Variants in CEMIP observed in about 807,000 individuals in gnomAD.
CEMIP encodes cell migration-inducing and hyaluronan-binding protein.
A neutral mutation model predicts 156.9 loss-of-function variants in CEMIP; 105 were observed. The ratio of observed to expected loss-of-function variants is 0.67; its 90% CI spans 0.57 to 0.79. The LOEUF (loss-of-function observed/expected upper bound fraction) is 0.79, where lower values mean the gene tolerates loss of function less well. CEMIP is among the 30% of genes least tolerant of loss of function. CEMIP has a pLI of 0.00. For missense variants in CEMIP, 1,457 were observed against 1,769.4 expected (o/e 0.82, Z 3.17); for synonymous variants, 676 against 668.4 (o/e 1.01, Z -0.17).
At chr15:80,802,952 T>G (rs1896416167) in intron 1 of CEMIP, among the ~76,000 whole-genome samples, 1 of 152,196 alleles carries the variant, frequency 6.6e-6, no homozygotes, top group Admixed American at 6.5e-5. Flanking sequence ...TATAACAAAG[T>G]TCCACAGATT....
At chr15:80,891,926 A>T (rs1431970851) in intron 10 of CEMIP, among the ~76,000 whole-genome samples, 2 of 152,268 alleles carry the variant, frequency 1.3e-5, no homozygotes, top group Admixed American at 6.5e-5. Flanking sequence ...AGGTGAGAGA[A>T]GCAGGATTTC....
intron 1 of CEMIP, among the ~76,000 whole-genome samples, chr15:80,830,967 A>G (rs1897143648): frequency 6.6e-6 from 1 of 152,202 alleles, no homozygotes; most frequent in Admixed American, 6.5e-5. Flanking sequence ...TTTTGCCTAT[A>G]TTAATCATGT....
intron 14 of CEMIP, among the ~76,000 whole-genome samples, chr15:80,913,915 C>T (rs1368644856): frequency 6.6e-6 from 1 of 152,256 alleles, no homozygotes; most frequent in African/African-American, 2.4e-5. Flanking sequence ...GATGCCTAAA[C>T]TCATTCGCAT....
intron 14 of CEMIP, among the ~76,000 whole-genome samples, chr15:80,912,459 G>C (rs571693252): frequency 6.6e-6 from 1 of 152,346 alleles, no homozygotes; most frequent in South Asian, 2.1e-4. Context: ...GCCTGGTCTT[G>C]GTGGCCACAT....
intron 1 of CEMIP, among the ~76,000 whole-genome samples, chr15:80,780,713 TG>T (rs1895768613): frequency 6.6e-6 from 1 of 152,194 alleles, no homozygotes; most frequent in Non-Finnish European, 1.5e-5. Flanking sequence ...CCCTGCGGTC[TG>T]GAAAGTGATC....
intron 10 of CEMIP, among the ~76,000 whole-genome samples, chr15:80,891,731 G>T (rs1899038955): frequency 6.6e-6 from 1 of 152,210 alleles, no homozygotes; most frequent in South Asian, 2.1e-4. Flanking sequence ...AAGAGAAGGT[G>T]TTGCCACGCT....
In CEMIP at chr15:80,941,946, C is replaced by G. The variant is rs16972583; in HGVS notation, c.3505C>G (p.Pro1169Ala). The G allele has an allele frequency of 2.0e-3, 3,215 of 1,613,958 alleles. 18 individuals are homozygous for G. The highest frequency in any genetic ancestry group is 0.019 in the East Asian group (871 of 44,860). The change falls in exon 26 of 30, where the codon CCA becomes GCA. Residue 1169 changes from proline (P) to alanine (A), a missense_variant. Around this residue, in one of 5 missense-constraint regions of CEMIP, gnomAD observed 798 missense variants for 980.1 expected, o/e 0.81. Coordinates refer to ENST00000394685, the MANE Select transcript of CEMIP (RefSeq NM_001293298.2). ...GAGGATAAAGATTAAAGCTCTGATTCCAAAGAACGCAGGCGTCAGTGACTG... is the reference window on the plus strand; with the variant it reads ...GAGGATAAAGATTAAAGCTCTGATTGCAAAGAACGCAGGCGTCAGTGACTG... The part of the protein sequence containing the change: ...CERIKIKALI[P>A]KNAGVSDCTA...
intron 21 of CEMIP, among the ~76,000 whole-genome samples, chr15:80,931,595 A>G (rs1172534851): frequency 5.3e-5 from 8 of 152,162 alleles, no homozygotes; most frequent in African/African-American, 1.7e-4. Context: ...TCATCCATCC[A>G]TCCATTCACC....
At chr15:80,946,910 C>A in intron 28 of CEMIP, 55 bp from the exon 29 acceptor site, 1 of 1,221,460 alleles carries the variant, frequency 8.2e-7, no homozygotes, top group Non-Finnish European at 1.2e-6. Context: ...CTCCCCATGC[C>A]CACTTTCTCC....
At chr15:80,870,001 C>T (rs983936688) in intron 1 of CEMIP, among the ~76,000 whole-genome samples, 1 of 152,174 alleles carries the variant, frequency 6.6e-6, no homozygotes, top group African/African-American at 2.4e-5. Context: ...GAGCACTGAC[C>T]ACGGGTCACA....
chr15:80,895,899 C>T lies in CEMIP; in HGVS notation c.1250C>T (p.Thr417Ile), dbSNP rs752594779. 12 of 1,614,018 alleles carry T rather than the reference C, an allele frequency of 7.4e-6. No homozygotes were observed. Among genetic ancestry groups the T allele is most frequent in the African/African-American group, 1.3e-5 (1 of 74,870 alleles). ...CCCAAACTCACAGTCACCATTGACACCAATGTGAACAGCACCATTCTGAAC... is the reference window on the plus strand; with the variant it reads ...CCCAAACTCACAGTCACCATTGACATCAATGTGAACAGCACCATTCTGAAC... ...VRPKLTVTID[T>I]NVNSTILNLE... Residue 417 changes from threonine (T) to isoleucine (I), a missense_variant, in exon 12 of 30, where the codon ACC (threonine) becomes ATC (isoleucine). Physicochemically the swap from Thr to Ile is moderately conservative, Grantham distance 89. Around this residue, in one of 5 missense-constraint regions of CEMIP, gnomAD observed 280 missense variants for 300.3 expected, o/e 0.93. Transcript: ENST00000394685.
intron 1 of CEMIP, among the ~76,000 whole-genome samples, chr15:80,869,568 A>G (rs1898220718): frequency 6.6e-6 from 1 of 152,176 alleles, no homozygotes; most frequent in Non-Finnish European, 1.5e-5. Context: ...TATCCTGTCA[A>G]TGGTACCATC....
At chr15:80,896,485 A>G (rs780417942) in intron 12 of CEMIP, 1 of 387,282 alleles carries the variant, frequency 2.6e-6, no homozygotes, top group Non-Finnish European at 5.1e-6. Flanking sequence ...AGGGAAGCAT[A>G]TGTCTGTCAC....
chr15:80,827,233 GAGAA>G (rs889037421), intron 1 of CEMIP, among the ~76,000 whole-genome samples: 5 of 151,992 alleles, frequency 3.3e-5, no homozygotes, highest in Admixed American at 1.3e-4. Context: ...GAGAAAGGGA[GAGAA>G]AGAGAGAAAA....
intron 23 of CEMIP, among the ~76,000 whole-genome samples, chr15:80,935,512 T>C (rs1901087500): frequency 6.6e-6 from 1 of 152,264 alleles, no homozygotes; most frequent in South Asian, 2.1e-4. Flanking sequence ...TGCTTTAATG[T>C]ACGCTTTACC....
intron 1 of CEMIP, among the ~76,000 whole-genome samples, chr15:80,823,044 AT>A (rs1367801952): frequency 1.3e-5 from 2 of 152,236 alleles, no homozygotes; most frequent in African/African-American, 4.8e-5. Flanking sequence ...GGCATCCGCT[AT>A]TTTGCATATT....
chr15:80,899,126 T>A (rs1899353942), intron 12 of CEMIP, among the ~76,000 whole-genome samples: 2 of 150,396 alleles, frequency 1.3e-5, no homozygotes, highest in African/African-American at 4.9e-5. Flanking sequence ...GGCAGGAGAA[T>A]CACTTGAACC....
intron 1 of CEMIP, among the ~76,000 whole-genome samples, chr15:80,828,073 T>A (rs1466069496): frequency 1.3e-5 from 2 of 152,162 alleles, no homozygotes; most frequent in Non-Finnish European, 2.9e-5. Flanking sequence ...GCTTTGGTTT[T>A]CCCCAAGACT....
At chr15:80,831,899 G>T (rs75297169) in intron 1 of CEMIP, among the ~76,000 whole-genome samples, 3 of 152,186 alleles carry the variant, frequency 2.0e-5, no homozygotes, top group African/African-American at 4.8e-5. Flanking sequence ...CCTTCCTCAC[G>T]TTGATCTGTG....
Sources: allele counts gnomAD v4.1 joint callset (sites outside exome capture counted in the v4.1 genomes callset), GRCh38; gene constraint gnomAD v4.1.1; regional missense constraint gnomAD v4.1.1; transcripts MANE v1.5; gene names NCBI Gene and HGNC (gene_info 2026-07-23, HGNC 2026-07-21).